The following NACC2 variants were observed in gnomAD, a reference collection of about 807,000 sequenced individuals.
The protein encoded by NACC2 is NACC family member 2.
A neutral mutation model predicts 25.1 loss-of-function variants in NACC2; 8 were observed. That is an observed-to-expected ratio of 0.32 (90% CI 0.19 to 0.57). NACC2 has a LOEUF of 0.57. Among genes scored for constraint, NACC2 ranks in the 20% least tolerant of loss-of-function variants. The probability of loss-of-function intolerance (pLI) is 0.89; values close to 1 mark genes in which losing one functional copy is unlikely to be tolerated. For missense variants in NACC2, 644 were observed against 650.2 expected (o/e 0.99, Z 0.10); for synonymous variants, 435 against 294.7 (o/e 1.48, Z -4.88).
At chr9:136,070,679 A>C (rs1281374807) in intron 1 of NACC2, among the ~76,000 whole-genome samples, 19 of 151,108 alleles carry the variant, frequency 1.3e-4, no homozygotes, top group Non-Finnish European at 2.1e-4. Context: ...AAAAAAAAAA[A>C]ACAAAAACCA....
chr9:136,030,981 G>A (rs1005806673), intron 2 of NACC2, among the ~76,000 whole-genome samples: 6 of 152,000 alleles, frequency 3.9e-5, no homozygotes, highest in South Asian at 2.1e-4. Flanking sequence ...AACTTTAGAC[G>A]GAGCCGATGA....
chr9:136,041,872 A>G (rs912856420), intron 2 of NACC2, among the ~76,000 whole-genome samples: 136 of 152,356 alleles, frequency 8.9e-4, no homozygotes, highest in African/African-American at 3.2e-3. Flanking sequence ...TAGAAGCCTC[A>G]ATATTGTTAA....
chr9:136,030,531 A>C (rs1414083471), intron 2 of NACC2, among the ~76,000 whole-genome samples: 2 of 151,828 alleles, frequency 1.3e-5, no homozygotes, highest in Non-Finnish European at 2.9e-5. Flanking sequence ...AATGGCGTGA[A>C]CCCAGGAGGT....
At position 136,020,906 on chromosome 9, in the gene NACC2, C is replaced by T. The variant is rs1354383999; in HGVS notation, c.887-4477G>A. Among the ~76,000 whole-genome samples, 1 of 152,146 alleles carries T rather than the reference C, an allele frequency of 6.6e-6. No individual in the cohort carries two copies. The highest frequency in any genetic ancestry group is 1.9e-4 in the East Asian group (1 of 5,178). On this transcript the variant is annotated intron_variant, in intron 2 of 5. Transcript: ENST00000277554. This position sits in a 1 kb window ranked among gnomAD's most constrained non-coding sequence, Gnocchi z 4.7. ...ACTGGCCATCCGCACCCACACGTGG[C>T]ACCAAAACCACCCTCCGTCTCAGCC...
intron 2 of NACC2, among the ~76,000 whole-genome samples, chr9:136,029,468 C>T (rs557570218): frequency 9.8e-5 from 15 of 152,326 alleles, no homozygotes; most frequent in African/African-American, 3.6e-4. Flanking sequence ...TCGGGACCTG[C>T]CAAATGGCAG....
chr9:136,056,406 G>A (rs1840925622), intron 1 of NACC2, among the ~76,000 whole-genome samples: 4 of 152,200 alleles, frequency 2.6e-5, no homozygotes, highest in Non-Finnish European at 5.9e-5. Context: ...CCCGCTACTG[G>A]ACATACAGAT....
chr9:136,023,059 AG>A (rs1840317309), intron 2 of NACC2, among the ~76,000 whole-genome samples: 1 of 25,200 alleles, frequency 4.0e-5, no homozygotes, highest in African/African-American at 1.7e-4. Flanking sequence ...GGAGGGAGGA[AG>A]GAGGGAAGAG....
intron 2 of NACC2, among the ~76,000 whole-genome samples, chr9:136,048,299 A>G (rs1840759467): frequency 1.3e-5 from 2 of 152,170 alleles, no homozygotes; most frequent in African/African-American, 4.8e-5. Context: ...GGCAGAGGGA[A>G]AGCGCACATG....
chr9:136,047,773 C>T (rs1840752069), intron 2 of NACC2, among the ~76,000 whole-genome samples: 1 of 152,032 alleles, frequency 6.6e-6, no homozygotes, highest in South Asian at 2.1e-4. Context: ...AAAAACCCAT[C>T]AAGGCAGGTG....
At position 136,011,111 on chromosome 9, in the gene NACC2, C is replaced by T. The variant is rs13290816; in HGVS notation, c.*405G>A. 0.021 allele frequency: 3,288 copies of T among 158,626 alleles called. 61 individuals are homozygous for T. The highest frequency in any genetic ancestry group is 0.077 in the South Asian group (376 of 4,896). The allele number at this position is 158,626 out of a possible 1,614,324, so 9.8% of individuals were successfully genotyped here. A position where few individuals can be genotyped will look rare whatever the true frequency, so the allele number is the denominator to read the frequency against. ...GAAGGAAGGGTCAGTGACGCACAGC[C>T]CAGCCCCCTCGCCACAGACCACCGC... On this transcript the variant is annotated 3_prime_UTR_variant, in exon 6 of 6. Coordinates refer to ENST00000277554, the MANE Select transcript of NACC2 (RefSeq NM_144653.5).
chr9:136,029,032 G>T (rs1200574998), intron 2 of NACC2, among the ~76,000 whole-genome samples: 1 of 152,226 alleles, frequency 6.6e-6, no homozygotes, highest in African/African-American at 2.4e-5. Flanking sequence ...GTGGCAGGAG[G>T]CAGACAGGCT....
chr9:136,055,452 AACAGGAGGAGCCC>A lies in NACC2; in HGVS notation c.-59-4885_-59-4873del, dbSNP rs1300329510. On this transcript the variant is annotated intron_variant, in intron 1 of 5. Coordinates refer to ENST00000277554, the MANE Select transcript of NACC2 (RefSeq NM_144653.5). The surrounding 1 kb of genome is among the most constrained non-coding windows in gnomAD (Gnocchi z 4.9). Reference sequence around the variant, plus strand: ...GGGACAGGGACCAGTCAGGCAGCCCAACAGGAGGAGCCCTTTTCCTGGGGCCCAGCCAGGCAGC... The same window carrying A: ...GGGACAGGGACCAGTCAGGCAGCCCATTTTCCTGGGGCCCAGCCAGGCAGC... 1.3e-5 allele frequency among the ~76,000 whole-genome samples: 2 copies of A among 152,052 alleles called. No individual in the cohort carries two copies. The highest frequency in any genetic ancestry group is 2.9e-5 in the Non-Finnish European group (2 of 68,008).
intron 1 of NACC2, among the ~76,000 whole-genome samples, chr9:136,085,384 G>A (rs1830368577): frequency 6.6e-6 from 1 of 151,010 alleles, no homozygotes; most frequent in Non-Finnish European, 1.5e-5. Flanking sequence ...CCATGTGTGG[G>A]GATCCACACC....
chr9:136,071,375 T>C (rs1361251615), intron 1 of NACC2, among the ~76,000 whole-genome samples: 3 of 151,892 alleles, frequency 2.0e-5, no homozygotes, highest in Admixed American at 2.0e-4. Flanking sequence ...AAACCCCGTC[T>C]CTACTAAAGA....
At chr9:136,028,403 G>T (rs189106430) in intron 2 of NACC2, among the ~76,000 whole-genome samples, 4 of 147,992 alleles carry the variant, frequency 2.7e-5, no homozygotes, top group South Asian at 2.1e-4. Context: ...TTGAGACAGG[G>T]TCTCTTTCTG....
At position 136,055,909 on chromosome 9, in the gene NACC2, G is replaced by A. The variant is rs1231025539; in HGVS notation, c.-59-5329C>T. ...GGAGCGTGAGAAGGTGTGGGGATGG[G>A]GCGGGCCTGCTGTGCCAGGTGCTCT... On this transcript the variant is annotated intron_variant, in intron 1 of 5. Coordinates refer to ENST00000277554, the MANE Select transcript of NACC2 (RefSeq NM_144653.5). The surrounding 1 kb of genome is among the most constrained non-coding windows in gnomAD (Gnocchi z 4.9). Among the ~76,000 whole-genome samples the A allele has an allele frequency of 1.3e-5, 2 of 152,186 alleles. No individual in the cohort carries two copies. Among genetic ancestry groups the A allele is most frequent in the Non-Finnish European group, 2.9e-5 (2 of 68,036 alleles).
chr9:136,038,289 A>G (rs1840582878), intron 2 of NACC2, among the ~76,000 whole-genome samples: 1 of 152,200 alleles, frequency 6.6e-6, no homozygotes, highest in African/African-American at 2.4e-5. Flanking sequence ...TAATCCCAGC[A>G]CCTTGGGAGG....
At position 136,084,554 on chromosome 9, in the gene NACC2, G is replaced by T. The variant is rs1830357516; in HGVS notation, c.-60+10635C>A. 6.6e-6 allele frequency among the ~76,000 whole-genome samples: 1 copy of T among 152,202 alleles called. No individual in the cohort carries two copies. The highest frequency in any genetic ancestry group is 6.5e-5 in the Admixed American group (1 of 15,282). On this transcript the variant is annotated intron_variant, in intron 1 of 5. Coordinates refer to ENST00000277554, the MANE Select transcript of NACC2 (RefSeq NM_144653.5). This position sits in a 1 kb window ranked among gnomAD's most constrained non-coding sequence, Gnocchi z 5.1. ...AACTGGCCCAGACCCCGGAGTCAGG[G>T]TCACGAAGGCCATGGAAAGGCCACA...
At chr9:136,070,682 A>C (rs1390855765) in intron 1 of NACC2, among the ~76,000 whole-genome samples, 2 of 142,536 alleles carry the variant, frequency 1.4e-5, no homozygotes, top group Non-Finnish European at 3.1e-5. Flanking sequence ...AAAAAAAAAC[A>C]AAAACCAAAA....
Sources: allele counts gnomAD v4.1 joint callset (sites outside exome capture counted in the v4.1 genomes callset), GRCh38; gene constraint gnomAD v4.1.1; non-coding constraint Gnocchi (gnomAD v3.1); transcripts MANE v1.5; gene names NCBI Gene and HGNC (gene_info 2026-07-23, HGNC 2026-07-21).